The following VAV3 variants were observed in gnomAD, a reference collection of about 807,000 sequenced individuals.
VAV3 encodes vav guanine nucleotide exchange factor 3.
A neutral mutation model predicts 131.2 loss-of-function variants in VAV3; 94 were observed. The ratio of observed to expected loss-of-function variants is 0.72; its 90% CI spans 0.61 to 0.85. VAV3 has a LOEUF of 0.85. Ranked by LOEUF, VAV3 falls within the 40% of genes least tolerant of loss-of-function variation. The pLI, the probability that VAV3 is intolerant of heterozygous loss-of-function variation, is 0.00. For missense variants in VAV3, 939 were observed against 1,002.7 expected (o/e 0.94, Z 0.86); for synonymous variants, 349 against 342.0 (o/e 1.02, Z -0.22).
At chr1:107,621,053 G>T (rs1653557022) in intron 20 of VAV3, among the ~76,000 whole-genome samples, 3 of 151,040 alleles carry the variant, frequency 2.0e-5, no homozygotes, top group Admixed American at 2.0e-4. Context: ...AACTGTTCTG[G>T]GTAAACAAGT....
intron 1 of VAV3, among the ~76,000 whole-genome samples, chr1:107,905,892 T>C (rs1032089608): frequency 6.6e-6 from 1 of 151,968 alleles, no homozygotes; most frequent in Non-Finnish European, 1.5e-5. Flanking sequence ...AAATTCAAAG[T>C]CAAGCAGGAC....
At chr1:107,856,597 T>C (rs1381772482) in intron 2 of VAV3, among the ~76,000 whole-genome samples, 1 of 152,230 alleles carries the variant, frequency 6.6e-6, no homozygotes. Flanking sequence ...TTATGATAAC[T>C]AATTGATAGC....
intron 2 of VAV3, among the ~76,000 whole-genome samples, chr1:107,813,571 A>C (rs1346279439): frequency 1.3e-5 from 2 of 152,248 alleles, no homozygotes; most frequent in Non-Finnish European, 2.9e-5. Flanking sequence ...TATTTATAAT[A>C]ACCACCACCT....
intron 15 of VAV3, among the ~76,000 whole-genome samples, chr1:107,705,708 G>C (rs757578759): frequency 6.6e-5 from 10 of 151,998 alleles, no homozygotes; most frequent in Non-Finnish European, 1.2e-4. Context: ...TATTTACTCT[G>C]TGCCACAGAC....
intron 2 of VAV3, among the ~76,000 whole-genome samples, chr1:107,796,301 C>G (rs1666541547): frequency 6.6e-6 from 1 of 152,116 alleles, no homozygotes; most frequent in African/African-American, 2.4e-5. Flanking sequence ...ATTTGGATCT[C>G]TAACCTCAAC....
chr1:107,649,696 C>T (rs761556583), intron 19 of VAV3, among the ~76,000 whole-genome samples: 1 of 151,996 alleles, frequency 6.6e-6, no homozygotes, highest in Non-Finnish European at 1.5e-5. Context: ...AAGATAACAG[C>T]GTAAAAGTAA....
chr1:107,725,818 A>T (rs538705705), intron 15 of VAV3, among the ~76,000 whole-genome samples: 5 of 152,186 alleles, frequency 3.3e-5, no homozygotes, highest in Non-Finnish European at 5.9e-5. Context: ...CAGATGGCAA[A>T]TTTCAGTAGC....
intron 1 of VAV3, among the ~76,000 whole-genome samples, chr1:107,935,301 T>C (rs916206456): frequency 1.3e-5 from 2 of 152,206 alleles, no homozygotes; most frequent in African/African-American, 2.4e-5. Context: ...CTTCCTAAGA[T>C]AAACCTCTAG....
chr1:107,639,719 G>C (rs1019386109), intron 20 of VAV3, among the ~76,000 whole-genome samples: 1 of 152,116 alleles, frequency 6.6e-6, no homozygotes, highest in African/African-American at 2.4e-5. Context: ...TGAAGTGGGA[G>C]GGATGCTTGA....
chr1:107,963,154 A>AGAGTTCCAGGAAAC (rs1433862818), intron 1 of VAV3, among the ~76,000 whole-genome samples: 18 of 152,132 alleles, frequency 1.2e-4, no homozygotes, highest in Non-Finnish European at 2.2e-4. Flanking sequence ...GCAACTGCTG[A>AGAGTTCCAGGAAAC]GAGTTCCAGG....
At chr1:107,697,317 T>C (rs1659808242) in intron 17 of VAV3, among the ~76,000 whole-genome samples, 1 of 152,174 alleles carries the variant, frequency 6.6e-6, no homozygotes, top group Non-Finnish European at 1.5e-5. Context: ...GCTAATGAAC[T>C]ATGAGCATTC....
At position 107,812,852 on chromosome 1, in the gene VAV3, G is replaced by A. The variant is rs531597083; in HGVS notation, c.322-33360C>T. On this transcript the variant is annotated intron_variant, in intron 2 of 26. Coordinates refer to ENST00000370056, the MANE Select transcript of VAV3 (RefSeq NM_006113.5). The stretch of plus-strand genomic sequence containing the variant: ...AAAAACTCTTGATAAGGCCGGGCAC[G>A]GTGGCTCACGCCTGTAATCCCAGCA... 5.3e-5 allele frequency among the ~76,000 whole-genome samples: 8 copies of A among 152,190 alleles called. No individual in the cohort carries two copies. In the South Asian group the frequency reaches 6.2e-4, roughly 12 times the overall value.
At chr1:107,578,489 ATT>A (rs1446576959) in intron 25 of VAV3, among the ~76,000 whole-genome samples, 2 of 152,152 alleles carry the variant, frequency 1.3e-5, no homozygotes, top group Non-Finnish European at 2.9e-5. Flanking sequence ...ATCTAACTCT[ATT>A]ATTGGCAGAA....
intron 3 of VAV3, 46 bp downstream of exon 3, chr1:107,779,385 CATT>C (rs1412584893): frequency 1.1e-5 from 16 of 1,496,542 alleles, no homozygotes; most frequent in Non-Finnish European, 1.4e-5. Context: ...AATAAAGAAT[CATT>C]ACACTGAACT....
intron 1 of VAV3, among the ~76,000 whole-genome samples, chr1:107,937,150 CAT>C (rs762479118): frequency 2.0e-5 from 3 of 152,164 alleles, no homozygotes; most frequent in Non-Finnish European, 2.9e-5. Context: ...AAATAATGCA[CAT>C]GTGACACAAA....
intron 17 of VAV3, among the ~76,000 whole-genome samples, chr1:107,692,329 T>C (rs1049916775): frequency 3.3e-5 from 5 of 152,202 alleles, no homozygotes; most frequent in African/African-American, 1.2e-4. Flanking sequence ...TCAGGGGCTC[T>C]AATAGGAATA....
rs575082166 is a variant in VAV3 at position 107,771,572 on chromosome 1, T to A, written c.556-844A>T. Among the ~76,000 whole-genome samples, 7 of 152,352 alleles carry A rather than the reference T, an allele frequency of 4.6e-5. No individual in the cohort carries two copies. The South Asian group carries it at 1.4e-3, about 32-fold the overall frequency. The stretch of plus-strand genomic sequence containing the variant: ...CCGGCCTGTTGTTAGCTTTTCTAAC[T>A]GTGAATGAATCACTAAATTTCTCTG... On this transcript the variant is annotated intron_variant, in intron 5 of 26. Coordinates refer to ENST00000370056, the MANE Select transcript of VAV3 (RefSeq NM_006113.5).
At chr1:107,643,429 C>T (rs947331608) in intron 19 of VAV3, among the ~76,000 whole-genome samples, 6 of 152,106 alleles carry the variant, frequency 3.9e-5, no homozygotes, top group African/African-American at 7.2e-5. Flanking sequence ...CCTCAGTTCA[C>T]GATTTCATTT....
At chr1:107,790,594 T>G (rs1666233700) in intron 2 of VAV3, among the ~76,000 whole-genome samples, 1 of 151,502 alleles carries the variant, frequency 6.6e-6, no homozygotes, top group African/African-American at 2.4e-5. Flanking sequence ...ACAAATGGGG[T>G]GATTAAGCCT....
Sources: allele counts gnomAD v4.1 joint callset (sites outside exome capture counted in the v4.1 genomes callset), GRCh38; gene constraint gnomAD v4.1.1; transcripts MANE v1.5; gene names NCBI Gene and HGNC (gene_info 2026-07-23, HGNC 2026-07-21).